NLGN1: variants seen among roughly 807,000 people sequenced by gnomAD.
NLGN1 encodes the protein neuroligin 1.
In NLGN1, 12 loss-of-function variants were observed where a neutral mutation model predicts 65.5. The ratio of observed to expected loss-of-function variants is 0.18; its 90% CI spans 0.12 to 0.30. The LOEUF (loss-of-function observed/expected upper bound fraction) is 0.30, where lower values mean the gene tolerates loss of function less well. Among genes scored for constraint, NLGN1 ranks in the 10% least tolerant of loss-of-function variants. NLGN1 has a pLI of 1.00. For synonymous variants in NLGN1, 350 were observed against 359.5 expected (o/e 0.97, Z 0.30); for missense variants, 750 against 1,007.1 (o/e 0.74, Z 3.46).
intron 2 of NLGN1, among the ~76,000 whole-genome samples, chr3:173,579,021 A>G (rs1745982316): frequency 1.3e-5 from 2 of 152,222 alleles, no homozygotes; most frequent in African/African-American, 4.8e-5. Context: ...TAATGGCACC[A>G]TTATTTGAAA....
intron 2 of NLGN1, among the ~76,000 whole-genome samples, chr3:173,524,952 C>T (rs912782192): frequency 6.6e-6 from 1 of 152,064 alleles, no homozygotes; most frequent in Non-Finnish European, 1.5e-5. Flanking sequence ...TTTTGGTGTA[C>T]TGTTGGATTC....
At chr3:173,509,228 C>T (rs1256871291) in intron 2 of NLGN1, among the ~76,000 whole-genome samples, 1 of 152,126 alleles carries the variant, frequency 6.6e-6, no homozygotes, top group Non-Finnish European at 1.5e-5. Flanking sequence ...TAAGTCAAAA[C>T]TTGATGCTAC....
intron 2 of NLGN1, among the ~76,000 whole-genome samples, chr3:173,577,969 G>A (rs1056496288): frequency 3.3e-5 from 5 of 152,116 alleles, no homozygotes; most frequent in African/African-American, 4.8e-5. Flanking sequence ...GGATGCGGTC[G>A]CTCACGCCTG....
At chr3:174,020,055 G>A (rs1727421209) in intron 4 of NLGN1, among the ~76,000 whole-genome samples, 1 of 152,032 alleles carries the variant, frequency 6.6e-6, no homozygotes. Context: ...TGCTCCTCTT[G>A]TATTTTAATG....
intron 5 of NLGN1, among the ~76,000 whole-genome samples, chr3:174,277,670 A>AACAAATGTATATTAATACTGTT (rs1396479409): frequency 6.6e-6 from 1 of 151,912 alleles, no homozygotes; most frequent in Admixed American, 6.6e-5. Context: ...AGAAAACCAA[A>AACAAATGTATATTAATACTGTT]ACAAATGTAT....
At chr3:173,645,743 T>C (rs1758148013) in intron 3 of NLGN1, among the ~76,000 whole-genome samples, 1 of 152,156 alleles carries the variant, frequency 6.6e-6, no homozygotes, top group African/African-American at 2.4e-5. Flanking sequence ...TAGAGACTCA[T>C]GGAGAATGAG....
chr3:173,519,058 C>T (rs1734333090), intron 2 of NLGN1, among the ~76,000 whole-genome samples: 1 of 152,128 alleles, frequency 6.6e-6, no homozygotes, highest in African/African-American at 2.4e-5. Context: ...TGAAAGGGGC[C>T]CAGCTACAGC....
chr3:173,753,340 C>T (rs1776588124), intron 3 of NLGN1, among the ~76,000 whole-genome samples: 1 of 152,148 alleles, frequency 6.6e-6, no homozygotes, highest in African/African-American at 2.4e-5. Context: ...ACTCTTCTTT[C>T]TTCTATATTT....
At chr3:174,074,179 T>G (rs1740447130) in intron 4 of NLGN1, among the ~76,000 whole-genome samples, 1 of 152,102 alleles carries the variant, frequency 6.6e-6, no homozygotes, top group South Asian at 2.1e-4. Flanking sequence ...AATGGAGAAT[T>G]GAGGATGTAA....
intron 4 of NLGN1, among the ~76,000 whole-genome samples, chr3:174,098,514 A>C (rs1414619281): frequency 6.6e-6 from 1 of 152,176 alleles, no homozygotes; most frequent in Non-Finnish European, 1.5e-5. Flanking sequence ...TTTCCAGTGT[A>C]GTAGATGCTA....
chr3:174,190,523 A>C (rs1732191834), intron 4 of NLGN1, among the ~76,000 whole-genome samples: 1 of 152,088 alleles, frequency 6.6e-6, no homozygotes, highest in Non-Finnish European at 1.5e-5. Flanking sequence ...TATTGATACA[A>C]CTATGTTCAC....
In NLGN1 at chr3:173,915,607, T is replaced by G. The variant is rs117015021; in HGVS notation, c.646+107775T>G. Among the ~76,000 whole-genome samples, 152 of 152,328 alleles carry G rather than the reference T, an allele frequency of 1.0e-3. 2 individuals carry two copies. The East Asian group carries it at 0.025, about 25-fold the overall frequency. On this transcript the variant is annotated intron_variant, in intron 4 of 6. Transcript: ENST00000457714. ...TCTCACTATTGCTGATACAATCTATTCAAAATAATATCGTGAAGAACGCCG... is the reference window on the plus strand; with the variant it reads ...TCTCACTATTGCTGATACAATCTATGCAAAATAATATCGTGAAGAACGCCG...
intron 4 of NLGN1, among the ~76,000 whole-genome samples, chr3:174,081,321 G>A (rs913285338): frequency 3.9e-5 from 6 of 152,110 alleles, no homozygotes; most frequent in Non-Finnish European, 8.8e-5. Flanking sequence ...TATAAACTGA[G>A]TGGCTTATAA....
At chr3:173,455,092 A>G (rs1448438802) in intron 2 of NLGN1, among the ~76,000 whole-genome samples, 1 of 152,222 alleles carries the variant, frequency 6.6e-6, no homozygotes, top group Non-Finnish European at 1.5e-5. Flanking sequence ...ACAGCACTCC[A>G]AAACAATTAC....
chr3:174,238,236 G>T (rs1220797320), intron 4 of NLGN1, among the ~76,000 whole-genome samples: 1 of 152,004 alleles, frequency 6.6e-6, no homozygotes, highest in Non-Finnish European at 1.5e-5. Flanking sequence ...CTTTGCAGCT[G>T]CCCTAATGTC....
chr3:173,705,944 G>A (rs899589757), intron 3 of NLGN1, among the ~76,000 whole-genome samples: 5 of 152,142 alleles, frequency 3.3e-5, no homozygotes, highest in Admixed American at 6.5e-5. Flanking sequence ...AAGGTTGAGA[G>A]TATTTGAATA....
intron 2 of NLGN1, among the ~76,000 whole-genome samples, chr3:173,514,870 G>T (rs529008710): frequency 6.6e-6 from 1 of 152,010 alleles, no homozygotes; most frequent in African/African-American, 2.4e-5. Context: ...GTATTTTATT[G>T]TATGCATATA....
intron 1 of NLGN1, among the ~76,000 whole-genome samples, chr3:173,405,002 A>G (rs1718351816): frequency 6.6e-6 from 1 of 152,132 alleles, no homozygotes. Flanking sequence ...TTTTTAACAT[A>G]TATCCATCTT....
At chr3:174,079,133 T>A (rs1405402650) in intron 4 of NLGN1, among the ~76,000 whole-genome samples, 1 of 151,994 alleles carries the variant, frequency 6.6e-6, no homozygotes, top group Non-Finnish European at 1.5e-5. Context: ...TTTTGTAAAT[T>A]ATGCATTTGA....
Sources: gnomAD v4.1 joint callset for allele counts (sites outside exome capture counted in the v4.1 genomes callset) on GRCh38, gnomAD v4.1.1 for gene constraint, MANE v1.5 for transcripts, NCBI Gene and HGNC (gene_info 2026-07-23, HGNC 2026-07-21) for gene names.